RSPH14: variants seen among roughly 807,000 people sequenced by gnomAD.
RSPH14 encodes radial spoke head 14 homolog, also known as rhabdoid tumor deletion region gene 1.
In RSPH14, 20 loss-of-function variants were observed where a neutral mutation model predicts 26.7. The ratio of observed to expected loss-of-function variants is 0.75; its 90% CI spans 0.53 to 1.09. The LOEUF (loss-of-function observed/expected upper bound fraction) is 1.09. Ranked by LOEUF, RSPH14 falls within the 50% of genes least tolerant of loss-of-function variation. RSPH14 has a pLI of 0.00. For missense variants in RSPH14, 449 were observed against 457.2 expected (o/e 0.98, Z 0.16); for synonymous variants, 177 against 189.3 (o/e 0.93, Z 0.53).
chr22:23,113,059 ACAGGGCTCACCTCCAG>A (rs1198762794), intron 4 of RSPH14, among the ~76,000 whole-genome samples: 2 of 151,310 alleles, frequency 1.3e-5, no homozygotes, highest in Non-Finnish European at 3.0e-5. Flanking sequence ...CTGGAACCTC[ACAGGGCTCACCTCCAG>A]GCTAGCACCC....
chr22:23,138,432 A>G (rs1000172899), intron 3 of RSPH14, among the ~76,000 whole-genome samples: 2 of 152,078 alleles, frequency 1.3e-5, no homozygotes, highest in African/African-American at 2.4e-5. Flanking sequence ...GTGATGACAC[A>G]TGCCTGTAGT....
At chr22:23,133,057 C>G (rs1201764642) in intron 4 of RSPH14, 2 of 152,124 alleles carry the variant, frequency 1.3e-5, no homozygotes, top group African/African-American at 4.8e-5. Flanking sequence ...CTTCTAAAAG[C>G]TGAACATAAT....
intron 4 of RSPH14, among the ~76,000 whole-genome samples, chr22:23,068,780 C>T (rs937324070): frequency 5.3e-5 from 8 of 152,254 alleles, no homozygotes; most frequent in Non-Finnish European, 1.0e-4. Flanking sequence ...CAGTCTGTTA[C>T]ATTCCCTTTT....
intron 4 of RSPH14, among the ~76,000 whole-genome samples, chr22:23,102,023 G>A (rs1242291064): frequency 6.6e-6 from 1 of 152,226 alleles, no homozygotes; most frequent in Non-Finnish European, 1.5e-5. Flanking sequence ...AGCCTCAAGA[G>A]GGCTGGGCAC....
the RSPH14 span, chr22:23,153,017 T>G: frequency 1.9e-6 from 3 of 1,595,798 alleles, no homozygotes; most frequent in Non-Finnish European, 2.6e-6. Context: ...TGTGACGACT[T>G]CCTCATCCCC....
chr22:23,099,718 A>G (rs1465465130), intron 4 of RSPH14, among the ~76,000 whole-genome samples: 1 of 152,240 alleles, frequency 6.6e-6, no homozygotes, highest in South Asian at 2.1e-4. Flanking sequence ...TCTTTAGTAC[A>G]TTCACACAAG....
chr22:23,079,346 T>C (rs1041219862), intron 4 of RSPH14, among the ~76,000 whole-genome samples: 8 of 152,208 alleles, frequency 5.3e-5, no homozygotes, highest in Non-Finnish European at 1.2e-4. Context: ...CGAAGTCCAC[T>C]TGGCTTTCTG....
intron 4 of RSPH14, among the ~76,000 whole-genome samples, chr22:23,079,804 A>G (rs1219513657): frequency 6.6e-6 from 1 of 152,132 alleles, no homozygotes; most frequent in African/African-American, 2.4e-5. Flanking sequence ...TCCAGCCACA[A>G]CCTGTGGTGC....
chr22:23,123,454 T>A, intron 4 of RSPH14: 1 of 1,528,984 alleles, frequency 6.5e-7, no homozygotes, highest in Non-Finnish European at 9.0e-7. Context: ...GGGGCCCGCC[T>A]GCCTATGGTG....
At chr22:23,150,022 G>A in the RSPH14 span, 8 of 1,505,500 alleles carry the variant, frequency 5.3e-6, no homozygotes, top group Non-Finnish European at 7.3e-6. Context: ...CGGAGCCACA[G>A]CTTTGCAGGA....
chr22:23,116,422 A>G (rs1255920687), intron 4 of RSPH14, among the ~76,000 whole-genome samples: 1 of 152,244 alleles, frequency 6.6e-6, no homozygotes, highest in Non-Finnish European at 1.5e-5. Flanking sequence ...GCAGTGCAGG[A>G]GGGAGAGCGC....
the RSPH14 span, chr22:23,161,653 T>G: frequency 8.4e-7 from 1 of 1,190,416 alleles, no homozygotes; most frequent in Non-Finnish European, 1.2e-6. Context: ...GCCCAAGCTC[T>G]GCAGCGTGTC....
At chr22:23,108,916 C>A (rs1030213122) in intron 4 of RSPH14, among the ~76,000 whole-genome samples, 1 of 152,210 alleles carries the variant, frequency 6.6e-6, no homozygotes, top group African/African-American at 2.4e-5. Flanking sequence ...AGGAGACATG[C>A]TGTGCATGCT....
intron 4 of RSPH14, among the ~76,000 whole-genome samples, chr22:23,122,006 C>T (rs974180698): frequency 3.3e-5 from 5 of 152,184 alleles, no homozygotes; most frequent in African/African-American, 1.2e-4. Flanking sequence ...GCTGGGATTA[C>T]AGGTGTGAGC....
intron 4 of RSPH14, among the ~76,000 whole-genome samples, chr22:23,116,358 G>A (rs1263059619): frequency 6.6e-6 from 1 of 152,276 alleles, no homozygotes; most frequent in Non-Finnish European, 1.5e-5. Flanking sequence ...GCCCAGAAGT[G>A]CAGTGAGGGG....
chr22:23,168,495 GCC>G, the RSPH14 span, among the ~76,000 whole-genome samples: 1 of 146,644 alleles, frequency 6.8e-6, no homozygotes, highest in African/African-American at 2.6e-5. Context: ...ACCGCTCCCC[GCC>G]ACACACACAC....
At chr22:23,138,300 G>A (rs2070517666) in intron 3 of RSPH14, among the ~76,000 whole-genome samples, 1 of 152,204 alleles carries the variant, frequency 6.6e-6, no homozygotes, top group Non-Finnish European at 1.5e-5. Flanking sequence ...AGTGGCTCAT[G>A]CCTGTAATCC....
intron 4 of RSPH14, chr22:23,124,649 G>T: frequency 4.6e-6 from 1 of 217,738 alleles, no homozygotes; most frequent in South Asian, 4.5e-5. Context: ...AAGGGGTGGT[G>T]CCCCTGGTCC....
At chr22:23,111,932 G>T (rs1278763937) in intron 4 of RSPH14, among the ~76,000 whole-genome samples, 1 of 152,168 alleles carries the variant, frequency 6.6e-6, no homozygotes, top group Non-Finnish European at 1.5e-5. Flanking sequence ...GTGTCACTAG[G>T]AGCATGTTCT....
Sources: allele counts gnomAD v4.1 joint callset (sites outside exome capture counted in the v4.1 genomes callset), GRCh38; gene constraint gnomAD v4.1.1; transcripts MANE v1.5; gene names NCBI Gene and HGNC (gene_info 2026-07-23, HGNC 2026-07-21).